Variants in CAMKK1 observed in about 807,000 individuals in gnomAD.
CAMKK1 encodes calcium/calmodulin-dependent protein kinase kinase 1.
CAMKK1 carries 20 observed loss-of-function variants against 63.5 expected under a neutral mutation model. The ratio of observed to expected loss-of-function variants is 0.32; its 90% CI spans 0.22 to 0.46. The LOEUF (loss-of-function observed/expected upper bound fraction) is 0.46. Ranked by LOEUF, CAMKK1 falls within the 20% of genes least tolerant of loss-of-function variation. The pLI is 1.00. For synonymous variants in CAMKK1, 253 were observed against 269.0 expected, an observed-to-expected ratio of 0.94 and a Z score of 0.58; for missense variants, 588 against 658.1, an observed-to-expected ratio of 0.89 and a Z score of 1.17.
At chr17:3,888,519 C>G (rs889037593) in intron 1 of CAMKK1, among the ~76,000 whole-genome samples, 2 of 152,220 alleles carry the variant, frequency 1.3e-5, no homozygotes, top group African/African-American at 2.4e-5. Flanking sequence ...AGATGGGGTT[C>G]TAGCGGGCCT....
intron 14 of CAMKK1, 47 bp downstream of exon 14, chr17:3,869,440 C>A: frequency 6.2e-7 from 1 of 1,610,560 alleles, no homozygotes. Flanking sequence ...AGGCTCAGGT[C>A]CCCCAGGCCC....
chr17:3,866,723 CT>C (rs5818921), intron 14 of CAMKK1, among the ~76,000 whole-genome samples: 68,604 of 148,614 alleles, frequency 0.46, 15,960 homozygotes, highest in South Asian at 0.6. Flanking sequence ...CTCATATAGC[CT>C]TTTTTTTTTT....
In CAMKK1 at chr17:3,882,531, A is replaced by G; in HGVS notation, c.682T>C (p.Leu228=). The part of the protein sequence containing the change: ...LDDPAEDNLY[L]VFDLLRKGPV... ...GGGAATGAGCCAGGTCACTCACCCAAATAGAGGTTGTCCTCAGCTGGGTCA... is the reference window on the plus strand; with the variant it reads ...GGGAATGAGCCAGGTCACTCACCCAGATAGAGGTTGTCCTCAGCTGGGTCA... The change falls in exon 7 of 16, where the codon TTG becomes CTG. Residue 228 remains leucine (L), a synonymous_variant. Coordinates refer to ENST00000348335, the MANE Select transcript of CAMKK1 (RefSeq NM_032294.3). This position sits in a 1 kb window ranked among gnomAD's most constrained non-coding sequence, Gnocchi z 4.3. 1 of 1,595,458 alleles carries G rather than the reference A, an allele frequency of 6.3e-7. No homozygotes were observed. The highest frequency in any genetic ancestry group is 2.3e-5 in the East Asian group (1 of 44,118).
At position 3,876,523 on chromosome 17, in the gene CAMKK1, C is replaced by G. The variant is rs1040565194; in HGVS notation, c.797-101G>C. Reference sequence around the variant, plus strand: ...GCCAGGGACGCCGGCCGGGACATCCCAGCCCATGCACACTTTCGTCTGGTG... The same window carrying G: ...GCCAGGGACGCCGGCCGGGACATCCGAGCCCATGCACACTTTCGTCTGGTG... On this transcript the variant is annotated intron_variant, in intron 9 of 15. Transcript: ENST00000348335. 3.1e-5 allele frequency: 31 copies of G among 996,282 alleles called. 1 individual carries two copies. In the Admixed American group the frequency reaches 6.0e-4, roughly 19 times the overall value. The allele number at this position is 996,282 out of a possible 1,614,324, so 61.7% of individuals were successfully genotyped here. A position where few individuals can be genotyped will look rare whatever the true frequency, so the allele number is the denominator to read the frequency against.
At chr17:3,885,186 A>G (rs773893240) in intron 2 of CAMKK1, 142 bp downstream of exon 2, 32 of 999,940 alleles carry the variant, frequency 3.2e-5, no homozygotes, top group Non-Finnish European at 4.3e-5. Context: ...AAGAAGCTAT[A>G]TTGTTAGGTA....
intron 14 of CAMKK1, among the ~76,000 whole-genome samples, chr17:3,867,974 G>A (rs930117892): frequency 7.7e-6 from 1 of 129,552 alleles, no homozygotes; most frequent in Admixed American, 7.6e-5. Context: ...CGCAGGATCT[G>A]GGGGAGATGC....
In CAMKK1 at chr17:3,868,085, G is replaced by GGATC. The variant is rs1567613055; in HGVS notation, c.1341+1401_1341+1402insGATC. On this transcript the variant is annotated intron_variant, in intron 14 of 15. Transcript: ENST00000348335. ...GAAGCAGGCGCAGTCTAACTGATAC[G>GGATC]TGGGCTCTGGGGGAGAAGCAGGCGC... is the stretch of plus-strand genomic sequence containing the variant. 2.1e-4 allele frequency among the ~76,000 whole-genome samples: 10 copies of GGATC among 48,272 alleles called. 2 individuals carry two copies. The highest frequency in any genetic ancestry group is 7.2e-4 in the South Asian group (1 of 1,380). The allele number at this position is 48,272 out of a possible 152,430, so 31.7% of individuals were successfully genotyped here. A position where few individuals can be genotyped will look rare whatever the true frequency, so the allele number is the denominator to read the frequency against.
intron 1 of CAMKK1, among the ~76,000 whole-genome samples, chr17:3,888,266 C>T (rs1388232766): frequency 6.6e-6 from 1 of 152,238 alleles, no homozygotes; most frequent in Non-Finnish European, 1.5e-5. Context: ...AGAGGCCATC[C>T]TCCTTTACCC....
Position 3,869,894 on chromosome 17 carries a change from G to A in CAMKK1, c.1125-6C>T. The A allele has an allele frequency of 6.2e-7, 1 of 1,613,426 alleles. No individual in the cohort carries two copies. The highest frequency in any genetic ancestry group is 8.5e-7 in the Non-Finnish European group (1 of 1,179,302). On this transcript the variant is annotated splice_region_variant and splice_polypyrimidine_tract_variant and intron_variant, in intron 12 of 15. Transcript: ENST00000348335. ...GCTCCTCGCTGATTTCTGGCCTGGA[G>A]AGGGCGAAGGAAGGAGAGGAGGGTG...
At position 3,883,585 on chromosome 17, in the gene CAMKK1, A is replaced by T. The variant is rs2055510788; in HGVS notation, c.463-105T>A. 1 of 964,818 alleles carries T rather than the reference A, an allele frequency of 1.0e-6. No individual in the cohort carries two copies. Among genetic ancestry groups the T allele is most frequent in the Admixed American group, 1.7e-5 (1 of 58,650 alleles). 59.8% of individuals were successfully genotyped at this position (964,818 alleles called of 1,614,324 possible). On this transcript the variant is annotated intron_variant, in intron 4 of 15. Transcript: ENST00000348335. This position sits in a 1 kb window ranked among gnomAD's most constrained non-coding sequence, Gnocchi z 4.7. The stretch of plus-strand genomic sequence containing the variant: ...CGGAGAGGCACACTGGACATCTGCT[A>T]CTGGCCCTGAGGGTGTGGCCCAGGT...
At position 3,869,797 on chromosome 17, in the gene CAMKK1, C is replaced by T. The variant is rs375908512; in HGVS notation, c.1212+4G>A. 36 of 1,613,966 alleles carry T rather than the reference C, an allele frequency of 2.2e-5. No individual in the cohort carries two copies. In the East Asian group the frequency reaches 4.7e-4, roughly 21 times the overall value. ...GCCCAGCCCAAGACCCCCAGTTCCC[C>T]GACCTTGATGTCTGGCACCCCAATT... On this transcript the variant is annotated splice_donor_region_variant and intron_variant, in intron 13 of 15. Transcript: ENST00000348335.
chr17:3,864,281 C>G (rs952043378), intron 15 of CAMKK1, among the ~76,000 whole-genome samples: 11 of 151,666 alleles, frequency 7.3e-5, no homozygotes, highest in Non-Finnish European at 1.6e-4. Flanking sequence ...GAGTCTCACT[C>G]TGTCGCCCAG....
intron 14 of CAMKK1, 74 bp downstream of exon 14, chr17:3,869,413 G>A: frequency 1.3e-6 from 2 of 1,583,182 alleles, no homozygotes; most frequent in Admixed American, 1.7e-5. Flanking sequence ...TCCCCCCAAG[G>A]AGCCAGGCAC....
At chr17:3,865,039 C>G (rs1192639319) in intron 15 of CAMKK1, 2 of 827,918 alleles carry the variant, frequency 2.4e-6, no homozygotes, top group Non-Finnish European at 2.9e-6. Context: ...AGCCCCTTCC[C>G]CAAAGCTTCC....
In CAMKK1 at chr17:3,881,635, CAGG is replaced by C; in HGVS notation, c.696_698del (p.Leu233del). 2 of 1,569,360 alleles carry C rather than the reference CAGG, an allele frequency of 1.3e-6. No homozygotes were observed. The highest frequency in any genetic ancestry group is 1.7e-6 in the Non-Finnish European group (2 of 1,155,326). On this transcript the variant is annotated inframe_deletion, in exon 8 of 16. Transcript: ENST00000348335. ...CAGGACGGGGAACTCACCCCTTTCT[CAGG>C]AGGTCAAACACTGAAAGAAAAGACA...
chr17:3,880,367 C>T lies in CAMKK1; in HGVS notation c.775G>A (p.Val259Ile), dbSNP rs770588197. The T allele has an allele frequency of 9.3e-6, 15 of 1,613,876 alleles. No homozygotes were observed. Among genetic ancestry groups the T allele is most frequent in the African/African-American group, 1.3e-5 (1 of 74,932 alleles). ...EEQARLYLRDVILGLEYLHCQ... is the reference protein window; with the variant it reads ...EEQARLYLRDIILGLEYLHCQ... ...TCACAGTACTCGAGGCCCAGGATGA[C>T]GTCCCGCAGGTAGAGGCGAGCTTGC... The change falls in exon 9 of 16, where the codon GTC becomes ATC. Residue 259 changes from valine (V) to isoleucine (I), a missense_variant. This residue lies in a region of CAMKK1 where 357 missense variants were observed against 407.4 expected (regional missense o/e 0.88). Transcript: ENST00000348335.
rs767508428 is a variant in CAMKK1, at chr17:3,883,392, C to A, written c.514+37G>T. 1 of 1,600,414 alleles carries A rather than the reference C, an allele frequency of 6.2e-7. No homozygotes were observed. The highest frequency in any genetic ancestry group is 8.6e-7 in the Non-Finnish European group (1 of 1,167,512). ...CGAGGTCTCCTCCTCTGCCTCCAGGCTAGGAGCTCCCAGGGACAGGATCAG... is the reference window on the plus strand; with the variant it reads ...CGAGGTCTCCTCCTCTGCCTCCAGGATAGGAGCTCCCAGGGACAGGATCAG... On this transcript the variant is annotated intron_variant, in intron 5 of 15. Coordinates refer to ENST00000348335, the MANE Select transcript of CAMKK1 (RefSeq NM_032294.3). The surrounding 1 kb of genome is among the most constrained non-coding windows in gnomAD (Gnocchi z 4.7).
chr17:3,886,145 C>T (rs2055641946), intron 1 of CAMKK1, among the ~76,000 whole-genome samples: 1 of 152,190 alleles, frequency 6.6e-6, no homozygotes, highest in South Asian at 2.1e-4. Flanking sequence ...CAGAGCACTC[C>T]GACACTGCCT....
At chr17:3,886,000 T>A (rs1268518288) in intron 1 of CAMKK1, among the ~76,000 whole-genome samples, 1 of 152,190 alleles carries the variant, frequency 6.6e-6, no homozygotes, top group African/African-American at 2.4e-5. Context: ...GCAGAGAGAA[T>A]CTGATATTCT....
Sources: gnomAD v4.1 joint callset for allele counts (sites outside exome capture counted in the v4.1 genomes callset) on GRCh38, gnomAD v4.1.1 for gene constraint, gnomAD v4.1.1 regional missense constraint, Gnocchi (gnomAD v3.1) non-coding constraint, MANE v1.5 for transcripts, NCBI Gene and HGNC (gene_info 2026-07-23, HGNC 2026-07-21) for gene names.